Variants in PKD1L3 observed in about 807,000 individuals in gnomAD.
PKD1L3 encodes the protein polycystin 1 like 3, transient receptor potential channel interacting, also known as polycystin-1-like protein 3.
A neutral mutation model predicts 184.1 loss-of-function variants in PKD1L3; 239 were observed. The ratio of observed to expected loss-of-function variants is 1.30; its 90% CI spans 1.17 to 1.45. PKD1L3 has a LOEUF of 1.45. PKD1L3 is among the 40% of genes most tolerant of loss of function. PKD1L3 has a pLI of 0.00. For missense variants in PKD1L3, 2,660 were observed against 2,067.2 expected (o/e 1.29, Z -5.56); for synonymous variants, 996 against 778.8 (o/e 1.28, Z -4.64).
chr16:71,983,890 T>A, intron 6 of PKD1L3, 146 bp downstream of exon 6: 1 of 1,132,914 alleles, frequency 8.8e-7, no homozygotes, highest in Non-Finnish European at 1.2e-6. Context: ...CTTGAACTCC[T>A]GGCCTCATGT....
intron 2 of PKD1L3, among the ~76,000 whole-genome samples, chr16:71,995,931 T>C (rs577421393): frequency 6.6e-6 from 1 of 152,356 alleles, no homozygotes; most frequent in East Asian, 1.9e-4. Flanking sequence ...TGTGGATTTA[T>C]GCCAATCTGA....
rs2039562784 is a variant in PKD1L3, at chr16:71,967,925, C to T, written c.2267G>A (p.Ser756Asn). The change falls in exon 14 of 30, where the codon AGC (serine) becomes AAC (asparagine). Residue 756 changes from serine to asparagine, a missense_variant. Physicochemically the swap from Ser to Asn is conservative, Grantham distance 46. Transcript: ENST00000620267. ...LIQVYTGYRR[S>N]AATTAKVVIT... Reference sequence around the variant, plus strand: ...ATTAACCTTAGCTGTTGTAGCAGCGCTTCTTCGATATCCGGTGTAGACCTG... The same window carrying T: ...ATTAACCTTAGCTGTTGTAGCAGCGTTTCTTCGATATCCGGTGTAGACCTG... 6.4e-7 allele frequency: 1 copy of T among 1,551,118 alleles called. No homozygotes were observed. Among genetic ancestry groups the T allele is most frequent in the Non-Finnish European group, 8.7e-7 (1 of 1,146,542 alleles).
Position 71,942,783 on chromosome 16 carries a change from G to A in PKD1L3, c.4101C>T (p.Phe1367=). 1 of 1,551,640 alleles carries A rather than the reference G, an allele frequency of 6.4e-7. No individual in the cohort carries two copies. Among genetic ancestry groups the A allele is most frequent in the Admixed American group, 2.0e-5 (1 of 50,994 alleles). ...CATAGGTCTTGGTACGGGGTATTTG[G>A]AAAATTAATTGTACCCCACATTTGC... ...SHCKCGVQLI[F]QIPRTKTYEK... The change falls in exon 24 of 30, where the codon TTC becomes TTT. Residue 1367 remains phenylalanine, a synonymous_variant. Transcript: ENST00000620267.
intron 9 of PKD1L3, among the ~76,000 whole-genome samples, chr16:71,979,505 A>C (rs1288024658): frequency 6.6e-6 from 1 of 152,118 alleles, no homozygotes; most frequent in African/African-American, 2.4e-5. Flanking sequence ...AAAACAAAAA[A>C]CACAACAACA....
rs1252431393 is a variant in PKD1L3 at position 71,979,918 on chromosome 16, G to A, written c.1272-6C>T. 3 of 1,550,760 alleles carry A rather than the reference G, an allele frequency of 1.9e-6. No homozygotes were observed. Among genetic ancestry groups the A allele is most frequent in the Admixed American group, 2.0e-5 (1 of 50,632 alleles). On this transcript the variant is annotated splice_polypyrimidine_tract_variant and splice_region_variant and intron_variant, in intron 8 of 29. Transcript: ENST00000620267. Reference sequence around the variant, plus strand: ...GTAAAGTTGATATGTTTTGTCTAATGAGAAAAGTTAAAATGGAAGTCAATT... The same window carrying A: ...GTAAAGTTGATATGTTTTGTCTAATAAGAAAAGTTAAAATGGAAGTCAATT...
At chr16:71,973,299 C>G (rs1164426340) in intron 12 of PKD1L3, 25 bp downstream of exon 12, 12 of 1,548,592 alleles carry the variant, frequency 7.7e-6, no homozygotes, top group Non-Finnish European at 1.0e-5. Flanking sequence ...AGAAGAGAGG[C>G]CCAAGAAGCG....
chr16:71,990,439 A>G (rs2040543764), intron 3 of PKD1L3, 110 bp from the exon 4 acceptor site: 2 of 930,764 alleles, frequency 2.1e-6, no homozygotes, highest in South Asian at 1.6e-5. Flanking sequence ...ATTGTTTTAC[A>G]TAGAAAACCA....
intron 5 of PKD1L3, among the ~76,000 whole-genome samples, chr16:71,985,439 G>T (rs1414387795): frequency 6.6e-6 from 1 of 152,008 alleles, no homozygotes; most frequent in Non-Finnish European, 1.5e-5. Context: ...TTTTTTGAGA[G>T]AGAGTTTTGT....
In PKD1L3 at chr16:71,929,624, T is replaced by C; in HGVS notation, c.5113A>G (p.Ile1705Val). ...GATGAGGTTTTTTGGGGCCAACTGATTCCTAACAAATTTGAGAGCTTCTGT... is the reference window on the plus strand; with the variant it reads ...GATGAGGTTTTTTGGGGCCAACTGACTCCTAACAAATTTGAGAGCTTCTGT... ...LLQKLSNLLGISWPQKTSSEQ... is the reference protein window; with the variant it reads ...LLQKLSNLLGVSWPQKTSSEQ... Residue 1705 changes from isoleucine (I) to valine (V), a missense_variant, in exon 30 of 30, where the codon ATC becomes GTC. Physicochemically the swap from Ile to Val is conservative, Grantham distance 29. Coordinates refer to ENST00000620267, the MANE Select transcript of PKD1L3 (RefSeq NM_181536.2). 6.4e-7 allele frequency: 1 copy of C among 1,551,834 alleles called. No homozygotes were observed. The highest frequency in any genetic ancestry group is 1.2e-5 in the South Asian group (1 of 84,056).
At chr16:71,988,063 A>C (rs12051425) in intron 4 of PKD1L3, among the ~76,000 whole-genome samples, 32,584 of 104,798 alleles carry the variant, frequency 0.31, 3,785 homozygotes, top group East Asian at 0.53. Context: ...TTTGCAGAAC[A>C]GTGGCATGAT....
chr16:71,985,927 G>C (rs565907264), intron 5 of PKD1L3, among the ~76,000 whole-genome samples: 16 of 152,310 alleles, frequency 1.1e-4, no homozygotes, highest in Non-Finnish European at 1.8e-4. Flanking sequence ...TGAGTAGGAG[G>C]AATTGTCTAG....
intron 28 of PKD1L3, 39 bp from the exon 29 acceptor site, chr16:71,930,222 T>G: frequency 1.3e-6 from 2 of 1,513,622 alleles, no homozygotes; most frequent in Non-Finnish European, 1.8e-6. Flanking sequence ...GACTGACAAT[T>G]TAGTTTATAC....
At chr16:71,966,522 GC>G (rs1567522748) in intron 15 of PKD1L3, among the ~76,000 whole-genome samples, 1 of 151,174 alleles carries the variant, frequency 6.6e-6, no homozygotes, top group Non-Finnish European at 1.5e-5. Flanking sequence ...AACCTCCGAG[GC>G]TCAAGTTATC....
Position 71,986,281 on chromosome 16 carries a change from T to A in PKD1L3, c.774A>T (p.Glu258Asp). 6.4e-7 allele frequency: 1 copy of A among 1,552,282 alleles called. No homozygotes were observed. The change falls in exon 5 of 30, where the codon GAA becomes GAT. Residue 258 changes from glutamate (E) to aspartate (D), a missense_variant. Coordinates refer to ENST00000620267, the MANE Select transcript of PKD1L3 (RefSeq NM_181536.2). ...LAETTSSPKE[E>D]GHPNTFTSYL... is the part of the protein sequence containing the mutation. ...AAGAGGTGAAGGTATTCGGATGACCTTCTTCCTTTGGGCTTGAAGTTGTTT... is the reference window on the plus strand; with the variant it reads ...AAGAGGTGAAGGTATTCGGATGACCATCTTCCTTTGGGCTTGAAGTTGTTT...
chr16:71,958,195 G>A (rs2039121500), intron 16 of PKD1L3, among the ~76,000 whole-genome samples: 1 of 151,510 alleles, frequency 6.6e-6, no homozygotes, highest in East Asian at 2.0e-4. Context: ...AGACCATCCC[G>A]GCTAAAACGG....
chr16:71,956,184 A>ATT (rs35268514), intron 16 of PKD1L3, among the ~76,000 whole-genome samples: 5,643 of 82,552 alleles, frequency 0.068, 618 homozygotes, highest in African/African-American at 0.24. Flanking sequence ...AAAGGAAGGA[A>ATT]TTTTTTTTTT....
intron 4 of PKD1L3, among the ~76,000 whole-genome samples, chr16:71,989,551 A>G (rs901579147): frequency 1.3e-5 from 2 of 152,256 alleles, no homozygotes; most frequent in African/African-American, 4.8e-5. Flanking sequence ...GGGTTTCTAC[A>G]TAGGACACAA....
intron 24 of PKD1L3, among the ~76,000 whole-genome samples, chr16:71,941,343 T>C (rs1400020454): frequency 6.6e-6 from 1 of 151,330 alleles, no homozygotes; most frequent in Non-Finnish European, 1.5e-5. Context: ...TTAAATATTA[T>C]AGAAAGAAAA....
At chr16:71,945,197 T>C (rs1283307708) in intron 22 of PKD1L3, among the ~76,000 whole-genome samples, 1 of 144,590 alleles carries the variant, frequency 6.9e-6, no homozygotes, top group Non-Finnish European at 1.5e-5. Context: ...TTAATGTGCA[T>C]AGGAATCATC....
Sources: allele counts gnomAD v4.1 joint callset (sites outside exome capture counted in the v4.1 genomes callset), GRCh38; gene constraint gnomAD v4.1.1; transcripts MANE v1.5; gene names NCBI Gene and HGNC (gene_info 2026-07-23, HGNC 2026-07-21).